Variants in CACHD1 observed in about 807,000 individuals in gnomAD.
CACHD1 encodes the protein cache domain containing 1, also known as VWFA and cache domain-containing protein 1.
A neutral mutation model predicts 138.7 loss-of-function variants in CACHD1; 71 were observed. The observed-to-expected ratio is 0.51, with a 90% CI of 0.42 to 0.62. The LOEUF is 0.62. Among genes scored for constraint, CACHD1 ranks in the 20% least tolerant of loss-of-function variants. The pLI, the probability that CACHD1 is intolerant of heterozygous loss-of-function variation, is 0.00. For synonymous variants in CACHD1, 578 were observed against 591.5 expected (o/e 0.98, Z 0.33); for missense variants, 1,389 against 1,625.3 (o/e 0.85, Z 2.50).
intron 1 of CACHD1, among the ~76,000 whole-genome samples, chr1:64,490,437 A>G (rs896308510): frequency 2.0e-5 from 3 of 152,224 alleles, no homozygotes; most frequent in Admixed American, 6.5e-5. Flanking sequence ...CTTGCCATTT[A>G]CATCAAACAC....
chr1:64,657,875 G>C (rs1339849847), intron 12 of CACHD1, among the ~76,000 whole-genome samples: 1 of 152,078 alleles, frequency 6.6e-6, no homozygotes, highest in Non-Finnish European at 1.5e-5. Context: ...TCTTCTAATA[G>C]GATAATAATC....
intron 16 of CACHD1, among the ~76,000 whole-genome samples, chr1:64,670,512 G>A (rs948065178): frequency 3.3e-5 from 5 of 152,160 alleles, no homozygotes; most frequent in Admixed American, 6.5e-5. Context: ...AGAGTATGGG[G>A]AGTTCGTTGG....
At chr1:64,681,541 GTTTTTTTTT>G (rs57993424) in intron 25 of CACHD1, among the ~76,000 whole-genome samples, 28 of 68,146 alleles carry the variant, frequency 4.1e-4, no homozygotes, top group East Asian at 1.8e-3. Context: ...ATTTTATTGT[GTTTTTTTTT>G]TTTTTTTTTT....
chr1:64,475,948 C>T (rs1646172708), intron 1 of CACHD1, among the ~76,000 whole-genome samples: 1 of 152,192 alleles, frequency 6.6e-6, no homozygotes, highest in Admixed American at 6.5e-5. Flanking sequence ...AGGCATTACA[C>T]TGCAGTAGGT....
chr1:64,500,864 A>G (rs1646335742), intron 1 of CACHD1, among the ~76,000 whole-genome samples: 1 of 152,052 alleles, frequency 6.6e-6, no homozygotes, highest in African/African-American at 2.4e-5. Context: ...CTTGGCCAAC[A>G]TGGTGAAACC....
At chr1:64,535,754 G>A (rs980259412) in intron 1 of CACHD1, among the ~76,000 whole-genome samples, 5 of 152,050 alleles carry the variant, frequency 3.3e-5, no homozygotes, top group Admixed American at 2.0e-4. Context: ...TGTTTAGTAG[G>A]CCACCTCCCT....
intron 12 of CACHD1, among the ~76,000 whole-genome samples, chr1:64,658,284 A>G (rs1432297296): frequency 1.3e-5 from 2 of 152,216 alleles, no homozygotes; most frequent in Non-Finnish European, 2.9e-5. Context: ...GGCTTGAAAA[A>G]TAGTCAATTC....
At chr1:64,628,859 G>C (rs1648204694) in intron 4 of CACHD1, among the ~76,000 whole-genome samples, 1 of 152,200 alleles carries the variant, frequency 6.6e-6, no homozygotes, top group Admixed American at 6.5e-5. Context: ...CAGCTTTACT[G>C]AATGATTATG....
chr1:64,475,231 T>C (rs1646168207), intron 1 of CACHD1, among the ~76,000 whole-genome samples: 1 of 133,854 alleles, frequency 7.5e-6, no homozygotes, highest in Admixed American at 9.1e-5. Flanking sequence ...TAGGCTGGAG[T>C]GCAGTGATGT....
At chr1:64,628,323 G>A (rs535015778) in intron 4 of CACHD1, among the ~76,000 whole-genome samples, 186 of 152,218 alleles carry the variant, frequency 1.2e-3, no homozygotes, top group African/African-American at 4.3e-3. Flanking sequence ...ATCTGTATAA[G>A]TCTGCTTGTA....
chr1:64,510,436 C>G (rs1038974525), intron 1 of CACHD1, among the ~76,000 whole-genome samples: 2 of 151,966 alleles, frequency 1.3e-5, no homozygotes, highest in Non-Finnish European at 2.9e-5. Context: ...CATTAGGCAG[C>G]AATAGAAATG....
intron 4 of CACHD1, among the ~76,000 whole-genome samples, chr1:64,610,507 C>T (rs1288847023): frequency 1.3e-5 from 2 of 152,138 alleles, no homozygotes; most frequent in East Asian, 1.9e-4. Context: ...GGCTACAGGC[C>T]CCATGCAAGT....
At chr1:64,500,286 A>G (rs1050514244) in intron 1 of CACHD1, among the ~76,000 whole-genome samples, 1 of 152,200 alleles carries the variant, frequency 6.6e-6, no homozygotes. Context: ...GGCAGCATAC[A>G]CATACCTGTT....
chr1:64,503,011 G>T (rs1570310295), intron 1 of CACHD1, among the ~76,000 whole-genome samples: 1 of 152,264 alleles, frequency 6.6e-6, no homozygotes, highest in East Asian at 1.9e-4. Context: ...TCTTCAAAAG[G>T]CAACAGCAAG....
chr1:64,653,681 C>T lies in CACHD1; in HGVS notation c.1541-77C>T, dbSNP rs1239443000. 7 of 1,481,904 alleles carry T rather than the reference C, an allele frequency of 4.7e-6. No homozygotes were observed. The Admixed American group carries it at 1.1e-4, about 23-fold the overall frequency. 91.8% of individuals were successfully genotyped at this position (1,481,904 alleles called of 1,614,324 possible). A position where few individuals can be genotyped will look rare whatever the true frequency, so the allele number is the denominator to read the frequency against. On this transcript the variant is annotated intron_variant, in intron 10 of 26. Transcript: ENST00000651257. ...GTATCGGGCAGCCAGCCCAGAGTACCCCATATTTCAAAACAGTGATTCAGA... is the reference window on the plus strand; with the variant it reads ...GTATCGGGCAGCCAGCCCAGAGTACTCCATATTTCAAAACAGTGATTCAGA...
chr1:64,602,358 C>T (rs764406641), intron 3 of CACHD1, among the ~76,000 whole-genome samples: 1 of 152,118 alleles, frequency 6.6e-6, no homozygotes, highest in Non-Finnish European at 1.5e-5. Context: ...ACCATTCCTA[C>T]TCCACACCCA....
intron 8 of CACHD1, among the ~76,000 whole-genome samples, chr1:64,644,183 T>C (rs1648829680): frequency 6.6e-6 from 1 of 152,252 alleles, no homozygotes; most frequent in African/African-American, 2.4e-5. Context: ...ATCAGTGTTA[T>C]CTCTGACCAC....
chr1:64,625,954 G>A (rs1020733237), intron 4 of CACHD1, among the ~76,000 whole-genome samples: 9 of 152,096 alleles, frequency 5.9e-5, no homozygotes, highest in African/African-American at 1.9e-4. Flanking sequence ...TTGCTAAGTC[G>A]AGATGTTTGC....
At chr1:64,554,554 G>A (rs779947396) in intron 2 of CACHD1, among the ~76,000 whole-genome samples, 42 of 152,242 alleles carry the variant, frequency 2.8e-4, no homozygotes, top group Non-Finnish European at 5.4e-4. Context: ...TGCCAAATGT[G>A]GGGTGTCTGA....
Sources: gnomAD v4.1 joint callset for allele counts (sites outside exome capture counted in the v4.1 genomes callset) on GRCh38, gnomAD v4.1.1 for gene constraint, MANE v1.5 for transcripts, NCBI Gene and HGNC (gene_info 2026-07-23, HGNC 2026-07-21) for gene names.